KCNIP1: variants seen among roughly 807,000 people sequenced by gnomAD.
KCNIP1 encodes A-type potassium channel modulatory protein KCNIP1.
A neutral mutation model predicts 33.0 loss-of-function variants in KCNIP1; 18 were observed. The ratio of observed to expected loss-of-function variants is 0.55; its 90% CI spans 0.38 to 0.81. The LOEUF (loss-of-function observed/expected upper bound fraction) is 0.81. KCNIP1 is among the 30% of genes least tolerant of loss of function. The pLI is 0.00. For missense variants in KCNIP1, 238 were observed against 271.6 expected (o/e 0.88, Z 0.87); for synonymous variants, 93 against 98.3 (o/e 0.95, Z 0.32).
At chr5:170,405,598 C>A (rs940287151) in intron 1 of KCNIP1, among the ~76,000 whole-genome samples, 1 of 152,182 alleles carries the variant, frequency 6.6e-6, no homozygotes, top group South Asian at 2.1e-4. Flanking sequence ...GTGCCTCATG[C>A]CAGGAAGCTG....
At chr5:170,507,042 A>T (rs1293885419) in intron 1 of KCNIP1, among the ~76,000 whole-genome samples, 1 of 152,230 alleles carries the variant, frequency 6.6e-6, no homozygotes, top group East Asian at 1.9e-4. Context: ...TCTTCTTTGT[A>T]AAGGGAGAAA....
chr5:170,459,268 A>G (rs1005697236), intron 1 of KCNIP1, among the ~76,000 whole-genome samples: 5 of 152,198 alleles, frequency 3.3e-5, no homozygotes, highest in Admixed American at 6.5e-5. Context: ...CTCCACTGAC[A>G]GCACTAGACA....
chr5:170,506,118 G>A (rs760856409), intron 1 of KCNIP1, among the ~76,000 whole-genome samples: 9 of 152,120 alleles, frequency 5.9e-5, no homozygotes, highest in Non-Finnish European at 1.0e-4. Context: ...GGGACTGTGG[G>A]GACAGGAAAG....
intron 1 of KCNIP1, among the ~76,000 whole-genome samples, chr5:170,435,961 G>A (rs530563823): frequency 6.6e-5 from 10 of 152,028 alleles, no homozygotes; most frequent in Non-Finnish European, 1.3e-4. Flanking sequence ...CTGCCCCCTC[G>A]ATCTCAATCA....
rs192264583 is a variant in KCNIP1, at chr5:170,530,481, A to T, written c.61+25848A>T. Among the ~76,000 whole-genome samples the T allele has an allele frequency of 3.6e-4, 55 of 152,294 alleles. 1 individual carries two copies. Among genetic ancestry groups the T allele is most frequent in the African/African-American group, 1.3e-3 (54 of 41,556 alleles). On this transcript the variant is annotated intron_variant, in intron 1 of 7. Coordinates refer to ENST00000328939, the MANE Select transcript of KCNIP1 (RefSeq NM_014592.4). ...CATATAATGTATCCGGACTGCAAGG[A>T]TGGGGCCCTCTGGCCCCCTCAACAC...
chr5:170,546,776 T>A (rs1756422597), intron 1 of KCNIP1, among the ~76,000 whole-genome samples: 1 of 152,170 alleles, frequency 6.6e-6, no homozygotes, highest in African/African-American at 2.4e-5. Context: ...TATTTTTAAG[T>A]CAACAAATTA....
intron 1 of KCNIP1, among the ~76,000 whole-genome samples, chr5:170,667,311 T>TC (rs1258475897): frequency 1.1e-5 from 1 of 94,186 alleles, no homozygotes; most frequent in Non-Finnish European, 2.0e-5. Context: ...AAACTCCGTC[T>TC]CAAAAAAAAA....
At chr5:170,666,406 G>A (rs1401399349) in intron 1 of KCNIP1, among the ~76,000 whole-genome samples, 1 of 152,092 alleles carries the variant, frequency 6.6e-6, no homozygotes, top group Non-Finnish European at 1.5e-5. Context: ...CTCCTGCCCT[G>A]GCCCTGGAGC....
intron 1 of KCNIP1, among the ~76,000 whole-genome samples, chr5:170,401,550 G>A (rs1754903681): frequency 1.3e-5 from 2 of 152,194 alleles, no homozygotes; most frequent in South Asian, 4.2e-4. Flanking sequence ...GATTGCTTGA[G>A]CCCAGGAGTT....
In KCNIP1 at chr5:170,509,138, C is replaced by T. The variant is rs544380226; in HGVS notation, c.61+4505C>T. Among the ~76,000 whole-genome samples, 4 of 152,320 alleles carry T rather than the reference C, an allele frequency of 2.6e-5. No individual in the cohort carries two copies. In the East Asian group the frequency reaches 7.7e-4, roughly 29 times the overall value. ...CGGAATTTCAGTTACCAGCCCTCTG[C>T]CAGGAATGAATTCTGTTGTTCGGTC... On this transcript the variant is annotated intron_variant, in intron 1 of 7. Transcript: ENST00000328939.
chr5:170,686,840 C>T (rs919366767), intron 1 of KCNIP1, among the ~76,000 whole-genome samples: 4 of 152,208 alleles, frequency 2.6e-5, no homozygotes, highest in African/African-American at 9.6e-5. Flanking sequence ...TGCAGCCATC[C>T]TCCTTTATTT....
intron 1 of KCNIP1, among the ~76,000 whole-genome samples, chr5:170,527,433 C>G (rs1259114663): frequency 2.0e-5 from 3 of 152,006 alleles, no homozygotes; most frequent in Admixed American, 6.6e-5. Context: ...TTCTCCAGAC[C>G]TGTGCCTTCT....
chr5:170,373,124 A>T (rs1763892218), intron 1 of KCNIP1, among the ~76,000 whole-genome samples: 1 of 152,116 alleles, frequency 6.6e-6, no homozygotes, highest in Admixed American at 6.5e-5. Context: ...GTAAGTGGGG[A>T]GGGAGAGTTG....
chr5:170,405,588 G>A (rs60328726), intron 1 of KCNIP1, among the ~76,000 whole-genome samples: 1 of 152,098 alleles, frequency 6.6e-6, no homozygotes, highest in Non-Finnish European at 1.5e-5. Flanking sequence ...TGTTTTCCTG[G>A]TGCCTCATGC....
chr5:170,565,359 C>T (rs1770841450), intron 1 of KCNIP1, among the ~76,000 whole-genome samples: 1 of 152,134 alleles, frequency 6.6e-6, no homozygotes. Flanking sequence ...GTTGCTTTAA[C>T]CAATAATCAA....
At chr5:170,354,317 T>G (rs1408663426) in intron 1 of KCNIP1, among the ~76,000 whole-genome samples, 1 of 152,166 alleles carries the variant, frequency 6.6e-6, no homozygotes, top group Non-Finnish European at 1.5e-5. Context: ...TGTATTTTGT[T>G]GATAAAAGAG....
intron 1 of KCNIP1, among the ~76,000 whole-genome samples, chr5:170,405,607 T>G (rs1258424343): frequency 6.6e-6 from 1 of 152,228 alleles, no homozygotes; most frequent in Non-Finnish European, 1.5e-5. Flanking sequence ...GCCAGGAAGC[T>G]GGAATGAAGC....
At chr5:170,409,876 A>G (rs1755136326) in intron 1 of KCNIP1, among the ~76,000 whole-genome samples, 1 of 152,268 alleles carries the variant, frequency 6.6e-6, no homozygotes, top group African/African-American at 2.4e-5. Context: ...ATGAGCATTC[A>G]AGGGGTTAAT....
intron 1 of KCNIP1, among the ~76,000 whole-genome samples, chr5:170,538,644 G>A (rs1433136125): frequency 6.6e-6 from 1 of 151,642 alleles, no homozygotes; most frequent in Non-Finnish European, 1.5e-5. Context: ...CTTGGCCTGG[G>A]GATGCATAAT....
Sources: gnomAD v4.1 joint callset for allele counts (sites outside exome capture counted in the v4.1 genomes callset) on GRCh38, gnomAD v4.1.1 for gene constraint, MANE v1.5 for transcripts, NCBI Gene and HGNC (gene_info 2026-07-23, HGNC 2026-07-21) for gene names.